Variants in ACCS observed in about 807,000 individuals in gnomAD.
The protein encoded by ACCS is 1-aminocyclopropane-1-carboxylate synthase-like protein 1.
In ACCS, 42 loss-of-function variants were observed where a neutral mutation model predicts 59.8. The ratio of observed to expected loss-of-function variants is 0.70; its 90% CI spans 0.55 to 0.91. The LOEUF (loss-of-function observed/expected upper bound fraction) is 0.91, where lower values mean the gene tolerates loss of function less well. ACCS is among the 40% of genes least tolerant of loss of function. The pLI is 0.00. For synonymous variants in ACCS, 230 were observed against 240.3 expected (o/e 0.96, Z 0.40); for missense variants, 602 against 630.4 (o/e 0.95, Z 0.48).
chr11:44,067,529 C>A (rs1952844974), intron 1 of ACCS, 99 bp from the exon 2 acceptor site: 2 of 1,248,946 alleles, frequency 1.6e-6, no homozygotes, highest in South Asian at 1.5e-5. Context: ...AAGGAAGGGG[C>A]AGATAAGAGA....
At chr11:44,073,548 C>G (rs1953166372) in intron 4 of ACCS, 31 bp downstream of exon 4, 2 of 1,575,214 alleles carry the variant, frequency 1.3e-6, no homozygotes, top group Non-Finnish European at 1.7e-6. Flanking sequence ...GAGTTTGTCC[C>G]CCTGGGGATG....
chr11:44,082,734 T>C (rs1412862622), intron 12 of ACCS, among the ~76,000 whole-genome samples: 1 of 152,096 alleles, frequency 6.6e-6, no homozygotes, highest in Non-Finnish European at 1.5e-5. Context: ...CATAGAACTG[T>C]ATGACAACGA....
intron 4 of ACCS, among the ~76,000 whole-genome samples, chr11:44,073,750 T>G (rs1953176001): frequency 6.6e-6 from 1 of 152,186 alleles, no homozygotes. Flanking sequence ...ACCTGGCGAC[T>G]ATGGGGTCTC....
At chr11:44,068,552 C>T in intron 2 of ACCS, among the ~76,000 whole-genome samples, 1 of 152,170 alleles carries the variant, frequency 6.6e-6, no homozygotes, top group East Asian at 1.9e-4. Flanking sequence ...CTATAGTGAG[C>T]CAAGATCATG....
chr11:44,077,186 T>C, intron 6 of ACCS, 93 bp from the exon 7 acceptor site: 1 of 1,393,240 alleles, frequency 7.2e-7, no homozygotes, highest in Non-Finnish European at 9.7e-7. Context: ...CCCAAAGAAG[T>C]TAAAGGCTTG....
In ACCS at chr11:44,083,283, G is replaced by T. The variant is rs1565185949; in HGVS notation, c.1226G>T (p.Gly409Val). 2 of 1,614,164 alleles carry T rather than the reference G, an allele frequency of 1.2e-6. No individual in the cohort carries two copies. Among genetic ancestry groups the T allele is most frequent in the East Asian group, 4.5e-5 (2 of 44,870 alleles). The change falls in exon 13 of 15, where the codon GGC (glycine) becomes GTC (valine). Residue 409 changes from glycine to valine, a missense_variant. By Grantham distance (109) the Gly-to-Val change is moderately radical (BLOSUM62 -3). Transcript: ENST00000263776. ...ATCCCCTTCTTGAGTCGTGGGGCTG[G>T]CTTCTTCATCTGGGTTGACTTGAGA... is the stretch of plus-strand genomic sequence containing the variant. ...LGIPFLSRGA[G>V]FFIWVDLRKY...
chr11:44,069,176 AG>A (rs1952928833), intron 2 of ACCS, among the ~76,000 whole-genome samples: 1 of 152,210 alleles, frequency 6.6e-6, no homozygotes, highest in Non-Finnish European at 1.5e-5. Context: ...TTTGGAGTTC[AG>A]GAATCCTGGT....
In ACCS at chr11:44,077,350, C is replaced by T. The variant is rs1953420602; in HGVS notation, c.628C>T (p.Leu210=). Reference sequence around the variant, plus strand: ...CGTGTGTCTCTATGGCAACATCCGGCTGGCCTATGTCTACCTGGACAGTGA... The same window carrying T: ...CGTGTGTCTCTATGGCAACATCCGGTTGGCCTATGTCTACCTGGACAGTGA... ...QHVCLYGNIR[L]AYVYLDSEVT... The change falls in exon 7 of 15, where the codon CTG becomes TTG. Residue 210 remains leucine, a synonymous_variant. Coordinates refer to ENST00000263776, the MANE Select transcript of ACCS (RefSeq NM_032592.4). 1.9e-6 allele frequency: 3 copies of T among 1,614,162 alleles called. No homozygotes were observed. Among genetic ancestry groups the T allele is most frequent in the Non-Finnish European group, 1.7e-6 (2 of 1,180,010 alleles).
At chr11:44,071,144 G>A in intron 2 of ACCS, 112 bp from the exon 3 acceptor site, 11 of 1,051,086 alleles carry the variant, frequency 1.0e-5, no homozygotes, top group Non-Finnish European at 1.6e-5. Flanking sequence ...TGTTTGAAAG[G>A]GTGGGATTGT....
chr11:44,078,599 C>T, intron 8 of ACCS, 85 bp from the exon 9 acceptor site: 3 of 1,165,730 alleles, frequency 2.6e-6, no homozygotes, highest in Non-Finnish European at 3.8e-6. Context: ...TCCCTGGGAG[C>T]CTTCCAGCGA....
rs935657621 is a variant in ACCS, at chr11:44,068,190, A to C, written c.288+275A>C. On this transcript the variant is annotated intron_variant, in intron 2 of 14. Coordinates refer to ENST00000263776, the MANE Select transcript of ACCS (RefSeq NM_032592.4). The stretch of plus-strand genomic sequence containing the variant: ...GATTCTGACCCACGACCTGTCGACT[A>C]TCCAACTTTAGAGCTAGGGCAGAAC... 1.4e-4 allele frequency among the ~76,000 whole-genome samples: 21 copies of C among 152,228 alleles called. 4 individuals are homozygous for C. Among genetic ancestry groups the C allele is most frequent in the Admixed American group, 1.3e-3 (20 of 15,282 alleles).
intron 2 of ACCS, among the ~76,000 whole-genome samples, chr11:44,070,079 T>C (rs77709110): frequency 0.031 from 4,715 of 152,014 alleles, 237 homozygotes; most frequent in African/African-American, 0.1. Flanking sequence ...AAAAACAAGA[T>C]GGGCAGGCGA....
rs550876385 is a variant in ACCS, at chr11:44,079,027, C to T, written c.833+243C>T. On this transcript the variant is annotated intron_variant, in intron 9 of 14. Transcript: ENST00000263776. The stretch of plus-strand genomic sequence containing the variant: ...TAGGGGCCAGGCACCATGCTAAGCA[C>T]TTTATGTGCCTCATACAATCCTCAC... 6.7e-4 allele frequency: 343 copies of T among 509,308 alleles called. 1 individual carries two copies. The highest frequency in any genetic ancestry group is 6.1e-3 in the African/African-American group (318 of 52,464). The allele number at this position is 509,308 out of a possible 1,614,324, so 31.5% of individuals were successfully genotyped here. A position where few individuals can be genotyped will look rare whatever the true frequency, so the allele number is the denominator to read the frequency against.
At chr11:44,078,426 G>A (rs890779907) in intron 8 of ACCS, 4 of 438,028 alleles carry the variant, frequency 9.1e-6, no homozygotes, top group Non-Finnish European at 1.6e-5. Flanking sequence ...TTTTGAAAGT[G>A]CAAAAGGCCA....
intron 6 of ACCS, among the ~76,000 whole-genome samples, chr11:44,076,176 G>A (rs929010084): frequency 1.3e-5 from 2 of 152,208 alleles, no homozygotes; most frequent in Non-Finnish European, 2.9e-5. Context: ...TGTTGAGTGG[G>A]CAGCCAGCCA....
intron 3 of ACCS, 133 bp downstream of exon 3, chr11:44,071,448 C>A: frequency 1.1e-6 from 1 of 926,826 alleles, no homozygotes. Flanking sequence ...GGGTTCCAGG[C>A]CTACCTTGGG....
rs1215246981 is a variant in ACCS at position 44,073,201 on chromosome 11, A to G, written c.349-246A>G. The G allele has an allele frequency of 1.3e-5, 7 of 546,926 alleles. No homozygotes were observed. The East Asian group carries it at 1.9e-4, about 15-fold the overall frequency. 33.9% of individuals were successfully genotyped at this position (546,926 alleles called of 1,614,324 possible). A position where few individuals can be genotyped will look rare whatever the true frequency, so the allele number is the denominator to read the frequency against. ...GTTGTATAAAGAATGCCAGACTAGG[A>G]GTCAAAAATTTTGGGTTTTTGTCTC... On this transcript the variant is annotated intron_variant, in intron 3 of 14. Transcript: ENST00000263776.
chr11:44,079,232 C>T, intron 9 of ACCS: 1 of 422,866 alleles, frequency 2.4e-6, no homozygotes, highest in Non-Finnish European at 4.3e-6. Context: ...TGGATCCAGA[C>T]TTGAACCTGG....
At chr11:44,079,001 C>A (rs532474288) in intron 9 of ACCS, 5 of 550,344 alleles carry the variant, frequency 9.1e-6, no homozygotes, top group Non-Finnish European at 1.6e-5. Context: ...AGCGCACACT[C>A]TAGGGGCCAG....
Sources: allele counts gnomAD v4.1 joint callset (sites outside exome capture counted in the v4.1 genomes callset), GRCh38; gene constraint gnomAD v4.1.1; transcripts MANE v1.5; gene names NCBI Gene and HGNC (gene_info 2026-07-23, HGNC 2026-07-21).